The following IKZF1 variants were observed in gnomAD, a reference collection of about 807,000 sequenced individuals.
IKZF1 encodes the protein IKAROS family zinc finger 1.
A neutral mutation model predicts 51.7 loss-of-function variants in IKZF1; 10 were observed. The observed-to-expected ratio is 0.19, with a 90% CI of 0.12 to 0.33. The LOEUF (loss-of-function observed/expected upper bound fraction) is 0.33, where lower values mean the gene tolerates loss of function less well. Ranked by LOEUF, IKZF1 falls within the 10% of genes least tolerant of loss-of-function variation. The pLI, the probability that IKZF1 is intolerant of heterozygous loss-of-function variation, is 1.00. For missense variants in IKZF1, 484 were observed against 707.5 expected, an observed-to-expected ratio of 0.68 and a Z score of 3.58; for synonymous variants, 280 against 282.3, an observed-to-expected ratio of 0.99 and a Z score of 0.08.
chr7:50,383,481 A>G (rs138267278), intron 5 of IKZF1, among the ~76,000 whole-genome samples: 8 of 152,332 alleles, frequency 5.3e-5, no homozygotes, highest in Non-Finnish European at 1.2e-4. Flanking sequence ...ATAATTCTAC[A>G]GGGCAGAGGA....
At chr7:50,337,946 A>C (rs975210306) in intron 3 of IKZF1, among the ~76,000 whole-genome samples, 41 of 152,172 alleles carry the variant, frequency 2.7e-4, no homozygotes, top group Non-Finnish European at 1.6e-4. Flanking sequence ...GCCACCAGTT[A>C]GCCCGGACAC....
chr7:50,340,838 A>G (rs1304025753), intron 3 of IKZF1, among the ~76,000 whole-genome samples: 1 of 152,236 alleles, frequency 6.6e-6, no homozygotes, highest in Non-Finnish European at 1.5e-5. Flanking sequence ...TCTGTAGAGA[A>G]TGCTGTGATC....
intron 3 of IKZF1, among the ~76,000 whole-genome samples, chr7:50,355,089 G>T (rs1313813666): frequency 6.6e-6 from 1 of 152,134 alleles, no homozygotes; most frequent in African/African-American, 2.4e-5. Flanking sequence ...CCAGCCTCAT[G>T]CCTCTCTCCC....
rs1161295974 is a variant in IKZF1, at chr7:50,304,782, C to T, written c.-155C>T. ...CTGCGGCAAGCCCCCTGGGTCCCCG[C>T]GCGGCGCATCCCAGCCTGGGCGGGA... is the stretch of plus-strand genomic sequence containing the variant. On this transcript the variant is annotated 5_prime_UTR_variant, in exon 1 of 8. Coordinates refer to ENST00000331340, the MANE Select transcript of IKZF1 (RefSeq NM_006060.6). The T allele has an allele frequency of 6.6e-6, 1 of 152,320 alleles. No individual in the cohort carries two copies. Among genetic ancestry groups the T allele is most frequent in the East Asian group, 1.9e-4 (1 of 5,178 alleles). The allele number at this position is 152,320 out of a possible 1,614,324, so 9.4% of individuals were successfully genotyped here. A position where few individuals can be genotyped will look rare whatever the true frequency, so the allele number is the denominator to read the frequency against.
At chr7:50,307,478 CT>C (rs895960510) in intron 1 of IKZF1, among the ~76,000 whole-genome samples, 12 of 152,188 alleles carry the variant, frequency 7.9e-5, no homozygotes, top group African/African-American at 2.9e-4. Flanking sequence ...GTGACGCCTG[CT>C]TCTAGCGGCA....
chr7:50,303,870 C>T (rs1212142279), upstream of IKZF1, among the ~76,000 whole-genome samples: 2 of 147,576 alleles, frequency 1.4e-5, no homozygotes, highest in African/African-American at 4.9e-5. This position sits in a 1 kb window ranked among gnomAD's most constrained non-coding sequence, Gnocchi z 4.7. Context: ...GCACGTGTCG[C>T]CCGCGCCGCG....
intron 2 of IKZF1, 129 bp from the exon 3 acceptor site, chr7:50,327,509 C>T (rs1795333084): frequency 9.1e-7 from 1 of 1,093,508 alleles, no homozygotes; most frequent in African/African-American, 1.6e-5. Flanking sequence ...GTATATGCAT[C>T]CCAGCAGAGA....
At chr7:50,399,870 G>T in intron 7 of IKZF1, 48 bp from the exon 8 acceptor site, 1 of 1,561,208 alleles carries the variant, frequency 6.4e-7, no homozygotes, top group South Asian at 1.2e-5. Flanking sequence ...AGACCTGACC[G>T]GTTCCGGAGG....
intron 3 of IKZF1, among the ~76,000 whole-genome samples, chr7:50,332,651 T>C (rs1188550400): frequency 6.6e-6 from 1 of 151,962 alleles, no homozygotes; most frequent in Admixed American, 6.6e-5. Context: ...GGGACCATGA[T>C]TGATGTAAGT....
chr7:50,332,166 G>A (rs1166662406), intron 3 of IKZF1, among the ~76,000 whole-genome samples: 2 of 152,194 alleles, frequency 1.3e-5, no homozygotes, highest in African/African-American at 4.8e-5. Context: ...CTCTTGAGCA[G>A]GGGCTCTTAA....
upstream of IKZF1, chr7:50,304,209 C>T (rs151114892): frequency 6.7e-6 from 1 of 150,028 alleles, no homozygotes; most frequent in Non-Finnish European, 1.5e-5. Flanking sequence ...CCCTCTGGCC[C>T]GGAGTTGCGG....
chr7:50,333,396 C>T (rs1159363847), intron 3 of IKZF1, among the ~76,000 whole-genome samples: 1 of 151,986 alleles, frequency 6.6e-6, no homozygotes, highest in Non-Finnish European at 1.5e-5. Context: ...AGGAGCGGTG[C>T]TGGGGACAGC....
intron 3 of IKZF1, among the ~76,000 whole-genome samples, chr7:50,363,391 G>A (rs909750655): frequency 1.3e-5 from 2 of 152,138 alleles, no homozygotes; most frequent in African/African-American, 4.8e-5. Flanking sequence ...TGAAAAGAAC[G>A]AGCTGGTGGA....
chr7:50,358,541 T>C (rs1454566099), intron 3 of IKZF1, among the ~76,000 whole-genome samples: 1 of 152,120 alleles, frequency 6.6e-6, no homozygotes, highest in African/African-American at 2.4e-5. Context: ...GTTTCATACG[T>C]GAGGAAGCTG....
rs975996081 is a variant in IKZF1, at chr7:50,401,920, A to T, written c.*1293A>T. Reference sequence around the variant, plus strand: ...CCAGCATGTGTGTCCACACATACATAGGATGGCTGGCTCTGCACCTGTAGG... The same window carrying T: ...CCAGCATGTGTGTCCACACATACATTGGATGGCTGGCTCTGCACCTGTAGG... On this transcript the variant is annotated 3_prime_UTR_variant, in exon 8 of 8. Transcript: ENST00000331340. 3 of 226,634 alleles carry T rather than the reference A, an allele frequency of 1.3e-5. No homozygotes were observed. The Admixed American group carries it at 1.7e-4, about 13-fold the overall frequency. The allele number at this position is 226,634 out of a possible 1,614,324, so 14.0% of individuals were successfully genotyped here. A position where few individuals can be genotyped will look rare whatever the true frequency, so the allele number is the denominator to read the frequency against.
At chr7:50,324,815 C>T (rs143539915) in intron 2 of IKZF1, among the ~76,000 whole-genome samples, 25 of 152,194 alleles carry the variant, frequency 1.6e-4, no homozygotes, top group Admixed American at 4.6e-4. Flanking sequence ...ATGCACTGAG[C>T]GGAAAGTACG....
intron 2 of IKZF1, among the ~76,000 whole-genome samples, chr7:50,322,220 T>G (rs966100391): frequency 6.6e-6 from 1 of 152,194 alleles, no homozygotes; most frequent in African/African-American, 2.4e-5. Context: ...CAAATAGGAG[T>G]TGACATTCTT....
chr7:50,390,995 G>GA (rs1320510290), intron 6 of IKZF1, among the ~76,000 whole-genome samples: 2 of 152,164 alleles, frequency 1.3e-5, no homozygotes, highest in East Asian at 3.8e-4. Flanking sequence ...GCCGGGAAAT[G>GA]AAAGAGTTAT....
At chr7:50,354,704 C>T (rs1218586258) in intron 3 of IKZF1, among the ~76,000 whole-genome samples, 5 of 152,012 alleles carry the variant, frequency 3.3e-5, no homozygotes, top group Non-Finnish European at 7.4e-5. Flanking sequence ...TGTCTTTTCC[C>T]TAGTATTGGT....
Sources: gnomAD v4.1 joint callset for allele counts (sites outside exome capture counted in the v4.1 genomes callset) on GRCh38, gnomAD v4.1.1 for gene constraint, Gnocchi (gnomAD v3.1) non-coding constraint, MANE v1.5 for transcripts, NCBI Gene and HGNC (gene_info 2026-07-23, HGNC 2026-07-21) for gene names.